Variants in HDAC4 observed in about 807,000 individuals in gnomAD.
HDAC4 encodes the protein histone deacetylase A.
A neutral mutation model predicts 135.1 loss-of-function variants in HDAC4; 16 were observed. The observed-to-expected ratio is 0.12, with a 90% CI of 0.08 to 0.18. The LOEUF (loss-of-function observed/expected upper bound fraction) is 0.18, where lower values mean the gene tolerates loss of function less well. Among genes scored for constraint, HDAC4 ranks in the 10% least tolerant of loss-of-function variants. The pLI, the probability that HDAC4 is intolerant of heterozygous loss-of-function variation, is 1.00. For missense variants in HDAC4, 1,143 were observed against 1,511.8 expected, an observed-to-expected ratio of 0.76 and a Z score of 4.05; for synonymous variants, 685 against 653.4, an observed-to-expected ratio of 1.05 and a Z score of -0.74.
chr2:239,277,198 A>G (rs1472945805), intron 2 of HDAC4, among the ~76,000 whole-genome samples: 2 of 152,170 alleles, frequency 1.3e-5, no homozygotes, highest in Non-Finnish European at 2.9e-5. Flanking sequence ...AGAAGAAAAC[A>G]TGTATTTGGA....
intron 7 of HDAC4, among the ~76,000 whole-genome samples, chr2:239,145,870 G>A (rs752245305): frequency 2.6e-5 from 4 of 152,224 alleles, no homozygotes; most frequent in Admixed American, 6.5e-5. Context: ...TCTTTGGGAC[G>A]TGCAGACAGC....
At chr2:239,075,976 TG>T (rs2034712575) in intron 22 of HDAC4, among the ~76,000 whole-genome samples, 1 of 140,408 alleles carries the variant, frequency 7.1e-6, no homozygotes, top group South Asian at 2.4e-4. Context: ...CTCAGCTTCC[TG>T]GGAAACAGAG....
intron 2 of HDAC4, among the ~76,000 whole-genome samples, chr2:239,304,751 G>T (rs1018706308): frequency 6.6e-6 from 1 of 152,182 alleles, no homozygotes; most frequent in African/African-American, 2.4e-5. Context: ...GCTTGCTTCT[G>T]AATCTCCTTA....
intron 22 of HDAC4, among the ~76,000 whole-genome samples, chr2:239,072,815 G>A (rs1026424355): frequency 2.0e-5 from 3 of 152,232 alleles, no homozygotes; most frequent in African/African-American, 7.2e-5. Context: ...GGGGATGACC[G>A]CAGATCAGAA....
intron 3 of HDAC4, among the ~76,000 whole-genome samples, chr2:239,201,284 C>G (rs934678435): frequency 6.6e-6 from 1 of 152,110 alleles, no homozygotes; most frequent in African/African-American, 2.4e-5. Flanking sequence ...AGGGGGGTGC[C>G]TCAGGCTGGG....
At chr2:239,389,631 G>A (rs184637058) in intron 1 of HDAC4, among the ~76,000 whole-genome samples, 2 of 152,280 alleles carry the variant, frequency 1.3e-5, no homozygotes, top group East Asian at 1.9e-4. Context: ...TCCGCAGAGC[G>A]TTCAGTGTGG....
chr2:239,379,710 G>A (rs976552041), intron 1 of HDAC4, among the ~76,000 whole-genome samples: 1 of 152,220 alleles, frequency 6.6e-6, no homozygotes, highest in Admixed American at 6.5e-5. Flanking sequence ...GAGCCCCAGG[G>A]TGGGGTAAGC....
intron 5 of HDAC4, among the ~76,000 whole-genome samples, chr2:239,168,663 C>A (rs1019891049): frequency 1.3e-5 from 2 of 152,312 alleles, no homozygotes; most frequent in East Asian, 3.9e-4. Context: ...CGCCACTGCT[C>A]CTCCAGCCTG....
At chr2:239,119,536 T>C (rs140599783) in intron 12 of HDAC4, among the ~76,000 whole-genome samples, 11 of 141,892 alleles carry the variant, frequency 7.8e-5, no homozygotes, top group African/African-American at 2.6e-4. Context: ...GCTGAGGGTG[T>C]GGGGACCAGA....
rs539006871 is a variant in HDAC4 at position 239,141,442 on chromosome 2, C to G, written c.866-1646G>C. On this transcript the variant is annotated intron_variant, in intron 8 of 26. Coordinates refer to ENST00000543185, the MANE Select transcript of HDAC4 (RefSeq NM_001378414.1). The surrounding 1 kb of genome is among the most constrained non-coding windows in gnomAD (Gnocchi z 4.9). Reference sequence around the variant, plus strand: ...TCTTTCTTTCCCTGGCCCTCTCACCCTCTCACTTCCACCAGACACTAACTC... The same window carrying G: ...TCTTTCTTTCCCTGGCCCTCTCACCGTCTCACTTCCACCAGACACTAACTC... 6.6e-6 allele frequency among the ~76,000 whole-genome samples: 1 copy of G among 152,314 alleles called. No individual in the cohort carries two copies. The highest frequency in any genetic ancestry group is 2.1e-4 in the South Asian group (1 of 4,816).
At chr2:239,232,987 G>C (rs1478485686) in intron 3 of HDAC4, among the ~76,000 whole-genome samples, 1 of 151,832 alleles carries the variant, frequency 6.6e-6, no homozygotes, top group East Asian at 1.9e-4. Flanking sequence ...TCAGCAAGCA[G>C]ACAACAACTC....
chr2:239,200,289 C>A (rs1239924915), intron 3 of HDAC4, among the ~76,000 whole-genome samples: 1 of 152,180 alleles, frequency 6.6e-6, no homozygotes, highest in Non-Finnish European at 1.5e-5. Flanking sequence ...TAACTGAGAC[C>A]CATTCCAAAC....
chr2:239,113,937 CAAG>C lies in HDAC4; in HGVS notation c.1791+1113_1791+1115del, dbSNP rs1360929642. On this transcript the variant is annotated intron_variant, in intron 13 of 26. Coordinates refer to ENST00000543185, the MANE Select transcript of HDAC4 (RefSeq NM_001378414.1). ...AATTAGAGACAGGCCCCCCTCTGAA[CAAG>C]AAGGAGAAATAGCACCCAATGCCAG... Among the ~76,000 whole-genome samples, 4 of 152,226 alleles carry C rather than the reference CAAG, an allele frequency of 2.6e-5. No homozygotes were observed. In the East Asian group the frequency reaches 5.8e-4, roughly 22 times the overall value.
intron 22 of HDAC4, among the ~76,000 whole-genome samples, chr2:239,070,118 G>C (rs1037371474): frequency 6.6e-6 from 1 of 152,296 alleles, no homozygotes; most frequent in East Asian, 1.9e-4. Context: ...CTGAAGACAC[G>C]TGCAGTCACC....
chr2:239,115,096 G>C lies in HDAC4; in HGVS notation c.1748C>G (p.Pro583Arg), dbSNP rs201187772. ...CTGCTCACTGGGCTGGCGCTGGCCC[G>C]GCTCCACCTCCCGTGGGGGCTCTGC... is the stretch of plus-strand genomic sequence containing the variant. Reference protein sequence around the residue: ...EEAEPPREVEPGQRQPSEQEL... With the variant: ...EEAEPPREVERGQRQPSEQEL... Residue 583 changes from proline (P) to arginine (R), a missense_variant, in exon 13 of 27, where the codon CCG becomes CGG. Physicochemically the swap from Pro to Arg is moderately radical, Grantham distance 103. Transcript: ENST00000543185. This position sits in a 1 kb window ranked among gnomAD's most constrained non-coding sequence, Gnocchi z 6.3. The C allele has an allele frequency of 6.2e-7, 1 of 1,611,552 alleles. No individual in the cohort carries two copies. Among genetic ancestry groups the C allele is most frequent in the Non-Finnish European group, 8.5e-7 (1 of 1,179,916 alleles).
At chr2:239,214,021 C>T (rs764339165) in intron 3 of HDAC4, among the ~76,000 whole-genome samples, 2 of 152,248 alleles carry the variant, frequency 1.3e-5, no homozygotes, top group Non-Finnish European at 2.9e-5. Flanking sequence ...GACAGGCTCA[C>T]TCTGGGTGTT....
At chr2:239,075,349 T>C (rs2034635597) in intron 22 of HDAC4, among the ~76,000 whole-genome samples, 1 of 151,822 alleles carries the variant, frequency 6.6e-6, no homozygotes, top group Non-Finnish European at 1.5e-5. Flanking sequence ...ACTTTTGGCC[T>C]TTCTTGGGGC....
intron 17 of HDAC4, among the ~76,000 whole-genome samples, chr2:239,092,246 G>GAA (rs11366042): frequency 2.3e-5 from 3 of 129,288 alleles, no homozygotes; most frequent in Non-Finnish European, 1.7e-5. Flanking sequence ...CTCCAAAGAG[G>GAA]AAAAAAAAAA....
chr2:239,060,827 C>T (rs868445197), intron 24 of HDAC4, among the ~76,000 whole-genome samples: 4 of 152,244 alleles, frequency 2.6e-5, no homozygotes, highest in Admixed American at 6.5e-5. Context: ...CGGCCCGGGC[C>T]CGTGTGGGAT....
Sources: allele counts gnomAD v4.1 joint callset (sites outside exome capture counted in the v4.1 genomes callset), GRCh38; gene constraint gnomAD v4.1.1; non-coding constraint Gnocchi (gnomAD v3.1); transcripts MANE v1.5; gene names NCBI Gene and HGNC (gene_info 2026-07-23, HGNC 2026-07-21).